Variants in SYNGR1 observed in about 807,000 individuals in gnomAD.
The protein encoded by SYNGR1 is synaptogyrin 1, also known as synaptogyrin-1.
In SYNGR1, 14 loss-of-function variants were observed where a neutral mutation model predicts 26.1. The observed-to-expected ratio is 0.54, with a 90% CI of 0.35 to 0.84. The LOEUF (loss-of-function observed/expected upper bound fraction) is 0.84, where lower values mean the gene tolerates loss of function less well. SYNGR1 is among the 40% of genes least tolerant of loss of function. The pLI is 0.01. For missense variants in SYNGR1, 319 were observed against 332.9 expected (o/e 0.96, Z 0.33); for synonymous variants, 141 against 150.1 (o/e 0.94, Z 0.44).
intron 1 of SYNGR1, among the ~76,000 whole-genome samples, chr22:39,372,720 C>T (rs557032134): frequency 5.9e-5 from 9 of 152,120 alleles, no homozygotes; most frequent in East Asian, 3.9e-4. Context: ...CCACCCACCT[C>T]GGCCTCCCAA....
At chr22:39,361,527 T>A (rs908679482) in intron 1 of SYNGR1, among the ~76,000 whole-genome samples, 1 of 151,876 alleles carries the variant, frequency 6.6e-6, no homozygotes, top group Non-Finnish European at 1.5e-5. Context: ...CTGGCTAATT[T>A]TTTTTGTATT....
In SYNGR1 at chr22:39,384,214, A is replaced by G. The variant is rs1203532698; in HGVS notation, c.*2300A>G. 2 of 279,744 alleles carry G rather than the reference A, an allele frequency of 7.1e-6. No homozygotes were observed. The highest frequency in any genetic ancestry group is 5.3e-5 in the Admixed American group (1 of 18,932). The allele number at this position is 279,744 out of a possible 1,614,324, so 17.3% of individuals were successfully genotyped here. The stretch of plus-strand genomic sequence containing the variant: ...GCCTCTCCTGCTGATGGGCACTAGG[A>G]GACCTCAGGGTACTGCCCATCTGTT... On this transcript the variant is annotated 3_prime_UTR_variant, in exon 4 of 4. Coordinates refer to ENST00000328933, the MANE Select transcript of SYNGR1 (RefSeq NM_004711.5).
At chr22:39,379,361 T>C (rs1925420114) in intron 3 of SYNGR1, among the ~76,000 whole-genome samples, 1 of 152,316 alleles carries the variant, frequency 6.6e-6, no homozygotes, top group African/African-American at 2.4e-5. Context: ...TAGCTGGGCA[T>C]GGTGGCTCAT....
chr22:39,376,137 C>G lies in SYNGR1; in HGVS notation c.423C>G (p.Asn141Lys). The change falls in exon 3 of 4, where the codon AAC becomes AAG. Residue 141 changes from asparagine (N) to lysine (K), a missense_variant. Asn to Lys is a moderately conservative substitution (Grantham distance 94). Coordinates refer to ENST00000328933, the MANE Select transcript of SYNGR1 (RefSeq NM_004711.5). The part of the protein sequence containing the change: ...QVSKPKDNPL[N>K]EGTDAARAAI... ...CCAAGCCCAAGGACAACCCACTGAA[C>G]GAAGGGACGGACGCAGCCCGGGCCG... 1 of 1,614,200 alleles carries G rather than the reference C, an allele frequency of 6.2e-7. No homozygotes were observed. The highest frequency in any genetic ancestry group is 1.1e-5 in the South Asian group (1 of 91,084).
rs1925524324 is a variant in SYNGR1 at position 39,382,237 on chromosome 22, G to A, written c.*323G>A. ...GTGCTGGGCATGGGTGGTGACATTG[G>A]CAGAAATGGCCACTGGAAAGGGGAG... On this transcript the variant is annotated 3_prime_UTR_variant, in exon 4 of 4. Coordinates refer to ENST00000328933, the MANE Select transcript of SYNGR1 (RefSeq NM_004711.5). 4.3e-6 allele frequency: 2 copies of A among 464,662 alleles called. No homozygotes were observed. The highest frequency in any genetic ancestry group is 7.9e-6 in the Non-Finnish European group (2 of 251,726). 28.8% of individuals were successfully genotyped at this position (464,662 alleles called of 1,614,324 possible). A position where few individuals can be genotyped will look rare whatever the true frequency, so the allele number is the denominator to read the frequency against.
rs2145601128 is a variant in SYNGR1 at position 39,350,328 on chromosome 22, C to A, written c.99+219C>A. Among the ~76,000 whole-genome samples, 1 of 152,118 alleles carries A rather than the reference C, an allele frequency of 6.6e-6. No homozygotes were observed. Among genetic ancestry groups the A allele is most frequent in the South Asian group, 2.1e-4 (1 of 4,826 alleles). On this transcript the variant is annotated intron_variant, in intron 1 of 3. Coordinates refer to ENST00000328933, the MANE Select transcript of SYNGR1 (RefSeq NM_004711.5). The surrounding 1 kb of genome is among the most constrained non-coding windows in gnomAD (Gnocchi z 4.3). ...CCTGGTGCTCGCGGGAGACGCCGCT[C>A]CGGCTCCCGGAGCCCTGGTTTCCTG...
intron 3 of SYNGR1, among the ~76,000 whole-genome samples, chr22:39,378,611 G>A (rs1271820109): frequency 6.6e-6 from 1 of 152,246 alleles, no homozygotes; most frequent in Non-Finnish European, 1.5e-5. Flanking sequence ...TTCCCCCAAA[G>A]CAATGCCTCA....
Position 39,376,045 on chromosome 22 carries a change from C to T in SYNGR1, c.338-7C>T, listed in dbSNP as rs539189640. On this transcript the variant is annotated splice_polypyrimidine_tract_variant and splice_region_variant and intron_variant, in intron 2 of 3. Coordinates refer to ENST00000328933, the MANE Select transcript of SYNGR1 (RefSeq NM_004711.5). ...TGCCTATTCTGCCCGGTCCTGGGAC[C>T]CCCCAGCCTTCTGGGCTTTCCTCTG... 1 of 1,614,186 alleles carries T rather than the reference C, an allele frequency of 6.2e-7. No homozygotes were observed. Among genetic ancestry groups the T allele is most frequent in the East Asian group, 2.2e-5 (1 of 44,870 alleles).
chr22:39,376,075 G>T lies in SYNGR1; in HGVS notation c.361G>T (p.Val121Leu), dbSNP rs78665292. Residue 121 changes from valine (V) to leucine (L), a missense_variant, in exon 3 of 4, where the codon GTG (valine) becomes TTG (leucine). Physicochemically the swap from Val to Leu is conservative, Grantham distance 32. Coordinates refer to ENST00000328933, the MANE Select transcript of SYNGR1 (RefSeq NM_004711.5). ...AGCCTTCTGGGCTTTCCTCTGGTTC[G>T]TGGGATTCTGCTACCTGGCCAACCA... ...VSAFWAFLWF[V>L]GFCYLANQWQ... The T allele has an allele frequency of 1.9e-6, 3 of 1,614,168 alleles. No homozygotes were observed. The highest frequency in any genetic ancestry group is 2.5e-6 in the Non-Finnish European group (3 of 1,180,030).
At chr22:39,380,616 CTTTTTTTTTTTTTT>C (rs58877789) in intron 3 of SYNGR1, among the ~76,000 whole-genome samples, 2 of 69,976 alleles carry the variant, frequency 2.9e-5, no homozygotes, top group African/African-American at 1.4e-4. Flanking sequence ...CCAAGCTGGC[CTTTTTTTTTTTTTT>C]TTTTTTTTTT....
At chr22:39,358,769 A>G (rs1924310673) in intron 1 of SYNGR1, among the ~76,000 whole-genome samples, 1 of 152,076 alleles carries the variant, frequency 6.6e-6, no homozygotes, top group Non-Finnish European at 1.5e-5. Context: ...AGTGAGACCA[A>G]GAACCCACCA....
At chr22:39,379,376 G>A (rs1024513962) in intron 3 of SYNGR1, among the ~76,000 whole-genome samples, 1 of 152,234 alleles carries the variant, frequency 6.6e-6, no homozygotes, top group African/African-American at 2.4e-5. Context: ...GCTCATGCCT[G>A]TGATCCCAGC....
At chr22:39,358,247 C>G (rs538570942) in intron 1 of SYNGR1, among the ~76,000 whole-genome samples, 1 of 149,334 alleles carries the variant, frequency 6.7e-6, no homozygotes, top group Admixed American at 6.7e-5. Context: ...CTGATGGGGA[C>G]GTGGAGAACC....
intron 1 of SYNGR1, among the ~76,000 whole-genome samples, chr22:39,359,119 C>T (rs1924331527): frequency 6.6e-6 from 1 of 152,222 alleles, no homozygotes; most frequent in Non-Finnish European, 1.5e-5. Context: ...CTGGCCTGCC[C>T]CAGACCTTGC....
chr22:39,353,927 G>A (rs557098860), intron 1 of SYNGR1, among the ~76,000 whole-genome samples: 16 of 152,220 alleles, frequency 1.1e-4, no homozygotes, highest in African/African-American at 3.1e-4. Context: ...GCAGTGGCGC[G>A]ATCTTGGCTC....
In SYNGR1 at chr22:39,377,083, C is replaced by T. The variant is rs1215860189; in HGVS notation, c.483+886C>T. 1.0e-5 allele frequency: 16 copies of T among 1,550,080 alleles called. No homozygotes were observed. In the South Asian group the frequency reaches 1.8e-4, roughly 17 times the overall value. On this transcript the variant is annotated intron_variant, in intron 3 of 3. Coordinates refer to ENST00000328933, the MANE Select transcript of SYNGR1 (RefSeq NM_004711.5). Reference sequence around the variant, plus strand: ...CTCCCCATAACCCACAGCTGCCTCCCCTCTGGACCGGCGAGCACTTCTGGG... The same window carrying T: ...CTCCCCATAACCCACAGCTGCCTCCTCTCTGGACCGGCGAGCACTTCTGGG...
chr22:39,350,612 G>A lies in SYNGR1; in HGVS notation c.99+503G>A, dbSNP rs926208008. On this transcript the variant is annotated intron_variant, in intron 1 of 3. Transcript: ENST00000328933. The surrounding 1 kb of genome is among the most constrained non-coding windows in gnomAD (Gnocchi z 4.3). ...GGGTTCGTATTGCCTAGCCCGGCCC[G>A]TGTGGAGCGATGAGTCGGGAACTGA... is the stretch of plus-strand genomic sequence containing the variant. Among the ~76,000 whole-genome samples, 2 of 152,184 alleles carry A rather than the reference G, an allele frequency of 1.3e-5. No homozygotes were observed. Among genetic ancestry groups the A allele is most frequent in the African/African-American group, 4.8e-5 (2 of 41,450 alleles).
At position 39,350,159 on chromosome 22, in the gene SYNGR1, T is replaced by A. The variant is rs763148995; in HGVS notation, c.99+50T>A. ...CTGCCAGGCCGGGGTGGTGGGGGTG[T>A]GAGCAAAGGCGGCGCGCCCGGACCG... is the stretch of plus-strand genomic sequence containing the variant. On this transcript the variant is annotated intron_variant, in intron 1 of 3. Transcript: ENST00000328933. This position sits in a 1 kb window ranked among gnomAD's most constrained non-coding sequence, Gnocchi z 4.3. The A allele has an allele frequency of 1.0e-5, 13 of 1,305,524 alleles. No homozygotes were observed. In the Admixed American group the frequency reaches 1.1e-4, roughly 11 times the overall value. 80.9% of individuals were successfully genotyped at this position (1,305,524 alleles called of 1,614,324 possible).
chr22:39,359,550 G>A (rs1479488236), intron 1 of SYNGR1, among the ~76,000 whole-genome samples: 1 of 148,720 alleles, frequency 6.7e-6, no homozygotes, highest in Non-Finnish European at 1.5e-5. Context: ...AGAATGGCGT[G>A]AACCTGGGAG....
Sources: allele counts gnomAD v4.1 joint callset (sites outside exome capture counted in the v4.1 genomes callset), GRCh38; gene constraint gnomAD v4.1.1; non-coding constraint Gnocchi (gnomAD v3.1); transcripts MANE v1.5; gene names NCBI Gene and HGNC (gene_info 2026-07-23, HGNC 2026-07-21).